PCDHGB2: variants seen among roughly 807,000 people sequenced by gnomAD.
PCDHGB2 encodes protocadherin gamma subfamily B, 2, also known as protocadherin gamma-B2.
In PCDHGB2, 55 loss-of-function variants were observed where a neutral mutation model predicts 59.3. The observed-to-expected ratio is 0.93, with a 90% CI of 0.75 to 1.16. PCDHGB2 has a LOEUF of 1.16. Among genes scored for constraint, PCDHGB2 ranks in the 50% most tolerant of loss-of-function variants. PCDHGB2 has a pLI of 0.00. For missense variants in PCDHGB2, 1,228 were observed against 1,198.5 expected (o/e 1.02, Z -0.36); for synonymous variants, 516 against 512.0 (o/e 1.01, Z -0.11).
intron 1 of PCDHGB2, chr5:141,420,344 T>G (rs2096490860): frequency 2.2e-6 from 3 of 1,394,808 alleles, no homozygotes; most frequent in African/African-American, 1.5e-5. Flanking sequence ...TATAGTGGTA[T>G]TATTTTAAGA....
rs1395235006 is a variant in PCDHGB2 at position 141,360,862 on chromosome 5, A to G, written c.727A>G (p.Ser243Gly). 3.7e-6 allele frequency: 6 copies of G among 1,613,898 alleles called. No individual in the cohort carries two copies. In the African/African-American group the frequency reaches 6.7e-5, roughly 18 times the overall value. Reference protein sequence around the residue: ...TDANDNPPVFSQDVYRVTLRE... With the variant: ...TDANDNPPVFGQDVYRVTLRE... The stretch of plus-strand genomic sequence containing the variant: ...TGCCAACGATAACCCTCCAGTGTTC[A>G]GCCAGGACGTGTACAGGGTCACCCT... Residue 243 changes from serine to glycine, a missense_variant, in exon 1 of 4, where the codon AGC (serine) becomes GGC (glycine). Transcript: ENST00000522605.
chr5:141,501,374 T>A (rs2099808767), intron 2 of PCDHGB2, among the ~76,000 whole-genome samples: 1 of 151,106 alleles, frequency 6.6e-6, no homozygotes. Context: ...CATCATCTCT[T>A]AAATCCTAGG....
chr5:141,417,641 C>G (rs1266850894), intron 1 of PCDHGB2: 12 of 779,426 alleles, frequency 1.5e-5, no homozygotes, highest in Non-Finnish European at 2.1e-5. Context: ...CCGGGGATCC[C>G]TCAGCCTCTA....
intron 1 of PCDHGB2, chr5:141,378,729 T>A (rs769149282): frequency 6.6e-6 from 1 of 152,216 alleles, no homozygotes; most frequent in East Asian, 1.9e-4. Flanking sequence ...GAACTCTTTA[T>A]TGAAATATTT....
intron 1 of PCDHGB2, chr5:141,399,381 C>T: frequency 1.2e-6 from 2 of 1,613,982 alleles, no homozygotes; most frequent in Non-Finnish European, 8.5e-7. Flanking sequence ...ATGTCACCAT[C>T]ACAGCCACAG....
chr5:141,494,923 G>A lies in PCDHGB2; in HGVS notation c.2480+58G>A, dbSNP rs572227346. Reference sequence around the variant, plus strand: ...TCTGCGGCATTTTCTCAGGGATGACGTGGGAGGAGATGGGGGAGGGCCCAG... The same window carrying A: ...TCTGCGGCATTTTCTCAGGGATGACATGGGAGGAGATGGGGGAGGGCCCAG... On this transcript the variant is annotated intron_variant, in intron 2 of 3. Coordinates refer to ENST00000522605, the MANE Select transcript of PCDHGB2 (RefSeq NM_018923.3). The A allele has an allele frequency of 8.9e-5, 143 of 1,613,698 alleles. 1 individual carries two copies. In the Middle Eastern group the frequency reaches 1.8e-3, roughly 20 times the overall value.
intron 1 of PCDHGB2, among the ~76,000 whole-genome samples, chr5:141,456,073 A>G (rs1490650582): frequency 2.6e-5 from 4 of 151,252 alleles, no homozygotes; most frequent in Non-Finnish European, 5.9e-5. Flanking sequence ...AATTTTTTGT[A>G]TTTTCAGTAG....
intron 1 of PCDHGB2, chr5:141,423,426 GGCAGGTA>G: frequency 1.9e-6 from 3 of 1,614,028 alleles, no homozygotes; most frequent in Non-Finnish European, 2.5e-6. Flanking sequence ...AAGGCGGGTT[GGCAGGTA>G]TGCCCACGTC....
chr5:141,466,115 C>A (rs2099117208), intron 1 of PCDHGB2, among the ~76,000 whole-genome samples: 1 of 151,618 alleles, frequency 6.6e-6, no homozygotes, highest in African/African-American at 2.4e-5. Context: ...GAGTGAGACT[C>A]CAGCTCAAAA....
At chr5:141,412,591 A>G (rs2095564760) in intron 1 of PCDHGB2, 1 of 152,214 alleles carries the variant, frequency 6.6e-6, no homozygotes, top group Non-Finnish European at 1.5e-5. Flanking sequence ...ATGAATGTAT[A>G]CTAAATAAAA....
At chr5:141,510,828 C>T in intron 3 of PCDHGB2, 119 bp from the exon 4 acceptor site, 18 of 1,572,154 alleles carry the variant, frequency 1.1e-5, no homozygotes, top group Non-Finnish European at 1.6e-5. Context: ...ATTCCCAGTG[C>T]TCAGCGTGGT....
intron 1 of PCDHGB2, among the ~76,000 whole-genome samples, chr5:141,402,432 TA>T (rs1325787840): frequency 6.6e-6 from 1 of 152,042 alleles, no homozygotes; most frequent in Non-Finnish European, 1.5e-5. Flanking sequence ...TGAAGCATCA[TA>T]AAAAGGAAAT....
rs766593056 is a variant in PCDHGB2, at chr5:141,372,812, G to T, written c.2421+10256G>T. On this transcript the variant is annotated intron_variant, in intron 1 of 3. Coordinates refer to ENST00000522605, the MANE Select transcript of PCDHGB2 (RefSeq NM_018923.3). ...CTAATTCAGGCAATTTGCAAAAGGT[G>T]AGTTTCTTCAAACCTTTCCTTCCAT... 67 of 1,584,432 alleles carry T rather than the reference G, an allele frequency of 4.2e-5. No homozygotes were observed. In the Middle Eastern group the frequency reaches 6.7e-4, roughly 16 times the overall value.
At position 141,476,001 on chromosome 5, in the gene PCDHGB2, C is replaced by A. The variant is rs989369008; in HGVS notation, c.2422-18806C>A. On this transcript the variant is annotated intron_variant, in intron 1 of 3. Coordinates refer to ENST00000522605, the MANE Select transcript of PCDHGB2 (RefSeq NM_018923.3). This position sits in a 1 kb window ranked among gnomAD's most constrained non-coding sequence, Gnocchi z 7.6. ...CAGCCGGCGAGCAAATCAACGGCAT[C>A]CAGAAAGCCATGTCGGACTCGGCGC... The A allele has an allele frequency of 5.7e-5, 70 of 1,235,226 alleles. No homozygotes were observed. In the Middle Eastern group the frequency reaches 8.6e-4, roughly 15 times the overall value. The allele number at this position is 1,235,226 out of a possible 1,614,324, so 76.5% of individuals were successfully genotyped here. A position where few individuals can be genotyped will look rare whatever the true frequency, so the allele number is the denominator to read the frequency against.
At chr5:141,396,033 C>G (rs191318626) in intron 1 of PCDHGB2, 2 of 152,280 alleles carry the variant, frequency 1.3e-5, no homozygotes, top group South Asian at 2.1e-4. Flanking sequence ...TATGTAAGAA[C>G]ATATTTCAAT....
intron 1 of PCDHGB2, chr5:141,427,320 G>GT: frequency 2.2e-6 from 1 of 457,086 alleles, no homozygotes; most frequent in Non-Finnish European, 4.4e-6. Context: ...CCCAGACGTG[G>GT]TTTTTACTTC....
At chr5:141,376,640 T>TA in intron 1 of PCDHGB2, 1 of 1,130,380 alleles carries the variant, frequency 8.8e-7, no homozygotes, top group Non-Finnish European at 1.2e-6. Context: ...CGTGATTTTG[T>TA]AAAGTGGAAG....
chr5:141,415,657 G>A, intron 1 of PCDHGB2: 1 of 1,576,236 alleles, frequency 6.3e-7, no homozygotes, highest in Non-Finnish European at 8.6e-7. Flanking sequence ...AAAAAAGATT[G>A]GTTTTTACTT....
At position 141,476,749 on chromosome 5, in the gene PCDHGB2, G is replaced by C; in HGVS notation, c.2422-18058G>C. On this transcript the variant is annotated intron_variant, in intron 1 of 3. Transcript: ENST00000522605. The surrounding 1 kb of genome is among the most constrained non-coding windows in gnomAD (Gnocchi z 7.6). ...ACCGAGAACGGGAGCCTAGTCTCCA[G>C]TTAGTGCTGACGGCGTTGGACGGAG... is the stretch of plus-strand genomic sequence containing the variant. 1.9e-6 allele frequency: 3 copies of C among 1,614,042 alleles called. No homozygotes were observed. The highest frequency in any genetic ancestry group is 2.5e-6 in the Non-Finnish European group (3 of 1,180,038).
Sources: allele counts gnomAD v4.1 joint callset (sites outside exome capture counted in the v4.1 genomes callset), GRCh38; gene constraint gnomAD v4.1.1; non-coding constraint Gnocchi (gnomAD v3.1); transcripts MANE v1.5; gene names NCBI Gene and HGNC (gene_info 2026-07-23, HGNC 2026-07-21).